The following DSP variants were observed in gnomAD, a reference collection of about 807,000 sequenced individuals.
The protein encoded by DSP is 250/210 kDa paraneoplastic pemphigus antigen.
In DSP, 114 loss-of-function variants were observed where a neutral mutation model predicts 290.6. The observed-to-expected ratio is 0.39, with a 90% confidence interval of 0.34 to 0.46. DSP has a LOEUF of 0.46. DSP is among the 20% of genes least tolerant of loss of function. DSP has a pLI of 0.99. For missense variants in DSP, 3,230 were observed against 3,495.8 expected (o/e 0.92, Z 1.92); for synonymous variants, 1,311 against 1,316.4 (o/e 1.00, Z 0.09).
intron 1 of DSP, among the ~76,000 whole-genome samples, chr6:7,544,018 C>A (rs1758098008): frequency 6.6e-6 from 1 of 152,148 alleles, no homozygotes; most frequent in South Asian, 2.1e-4. Context: ...AGTCTCACAT[C>A]TCTCTGGGAA....
At chr6:7,544,015 C>T (rs1445256913) in intron 1 of DSP, among the ~76,000 whole-genome samples, 2 of 152,162 alleles carry the variant, frequency 1.3e-5, no homozygotes, top group African/African-American at 2.4e-5. Context: ...TCAAGTCTCA[C>T]ATCTCTCTGG....
intron 20 of DSP, 32 bp from the exon 21 acceptor site, chr6:7,577,747 G>A (rs977673092): frequency 6.5e-7 from 1 of 1,538,036 alleles, no homozygotes; most frequent in African/African-American, 1.4e-5. Flanking sequence ...AGTCTATGAA[G>A]GACACTTTTC....
At position 7,563,725 on chromosome 6, in the gene DSP, T is replaced by C. The variant is rs886061745; in HGVS notation, c.727-11T>C. ...GGGATTTATATCTACCTGCTTTTTG[T>C]TGTCTTCTAGCGCGAGAAATCTGCG... On this transcript the variant is annotated splice_polypyrimidine_tract_variant and intron_variant, in intron 5 of 23. Transcript: ENST00000379802. The C allele has an allele frequency of 1.2e-5, 19 of 1,612,034 alleles. No individual in the cohort carries two copies. Among genetic ancestry groups the C allele is most frequent in the Non-Finnish European group, 1.6e-5 (19 of 1,178,028 alleles).
intron 1 of DSP, among the ~76,000 whole-genome samples, chr6:7,555,137 G>A (rs1047241393): frequency 3.3e-5 from 5 of 152,176 alleles, no homozygotes; most frequent in Non-Finnish European, 7.3e-5. Flanking sequence ...AAATAGCTGT[G>A]TGTCATTGTC....
At chr6:7,555,609 T>C (rs1758484169) in intron 1 of DSP, 109 bp from the exon 2 acceptor site, 1 of 827,156 alleles carries the variant, frequency 1.2e-6, no homozygotes, top group Admixed American at 2.0e-5. Context: ...GGGTAAAGGG[T>C]CTCACAGGAG....
At chr6:7,555,939 C>A in intron 2 of DSP, 119 bp downstream of exon 2, 1 of 833,996 alleles carries the variant, frequency 1.2e-6, no homozygotes, top group Non-Finnish European at 2.0e-6. Context: ...TGTTTAGAGA[C>A]ACGCTTTTTC....
Position 7,572,006 on chromosome 6 carries a change from A to C in DSP, c.2068A>C (p.Asn690His). The C allele has an allele frequency of 6.2e-7, 1 of 1,614,150 alleles. No individual in the cohort carries two copies. ...CTGCGAGGGCAGGATGACTCTCAAA[A>C]ACCTCCCTCTAGCAGACCAGGGATC... The part of the protein sequence containing the change: ...EHCEGRMTLK[N>H]LPLADQGSSH... Residue 690 changes from asparagine (N) to histidine (H), a missense_variant, in exon 15 of 24, where the codon AAC (asparagine) becomes CAC (histidine). Asn to His is a moderately conservative substitution (Grantham distance 68). This residue lies in a region of DSP where 1,714 missense variants were observed against 1,844.5 expected (regional missense o/e 0.93). Coordinates refer to ENST00000379802, the MANE Select transcript of DSP (RefSeq NM_004415.4).
chr6:7,554,082 AACACAC>A (rs10658102), intron 1 of DSP, among the ~76,000 whole-genome samples: 4,147 of 115,920 alleles, frequency 0.036, 89 homozygotes, highest in Admixed American at 0.055. Flanking sequence ...CTTTCTTTAA[AACACAC>A]ACACACACAC....
At chr6:7,547,648 G>T (rs2113640530) in intron 1 of DSP, among the ~76,000 whole-genome samples, 1 of 151,502 alleles carries the variant, frequency 6.6e-6, no homozygotes, top group East Asian at 1.9e-4. Context: ...TCTTGCCCAG[G>T]CTGGTCTTGA....
intron 9 of DSP, 96 bp from the exon 10 acceptor site, chr6:7,567,685 G>C (rs539990907): frequency 1.2e-5 from 19 of 1,582,684 alleles, no homozygotes; most frequent in Non-Finnish European, 1.6e-5. Flanking sequence ...ACCTGTCAAA[G>C]AGATGTTTAG....
rs752845209 is a variant in DSP at position 7,562,616 on chromosome 6, CA to C, written c.598-34del. ...AAGTGAAACAGGTGCAAAGGGGCAA[CA>C]ACAAAGGGCGCCTCTCTTTGTCTTT... On this transcript the variant is annotated intron_variant, in intron 4 of 23. Coordinates refer to ENST00000379802, the MANE Select transcript of DSP (RefSeq NM_004415.4). The C allele has an allele frequency of 2.5e-6, 4 of 1,613,328 alleles. No homozygotes were observed. In the Admixed American group the frequency reaches 5.0e-5, roughly 20 times the overall value.
In DSP at chr6:7,585,882, T is replaced by G; in HGVS notation, c.*4T>G. On this transcript the variant is annotated 3_prime_UTR_variant, in exon 24 of 24. Transcript: ENST00000379802. ...CAGTAGTTCTATTGGGCACTAGTAG[T>G]CAGTTGGGAGTGGTTGCTATACCTT... 1 of 1,613,534 alleles carries G rather than the reference T, an allele frequency of 6.2e-7. No homozygotes were observed. The highest frequency in any genetic ancestry group is 8.5e-7 in the Non-Finnish European group (1 of 1,179,788).
Position 7,558,151 on chromosome 6 carries a change from G to A in DSP, c.309G>A (p.Arg103=). The stretch of plus-strand genomic sequence containing the variant: ...ATGGAGATGGAATACAACTGACTCG[G>A]AGTCGAGAATTGGATGAGTGTTTTG... ...LKYGDGIQLT[R]SRELDECFAQ... The change falls in exon 3 of 24, where the codon CGG becomes CGA. Residue 103 remains arginine, a synonymous_variant. Transcript: ENST00000379802. 6.2e-7 allele frequency: 1 copy of A among 1,614,198 alleles called. No individual in the cohort carries two copies. Among genetic ancestry groups the A allele is most frequent in the Non-Finnish European group, 8.5e-7 (1 of 1,180,050 alleles).
intron 16 of DSP, 82 bp downstream of exon 16, chr6:7,574,334 C>A: frequency 7.2e-7 from 1 of 1,388,832 alleles, no homozygotes; most frequent in Non-Finnish European, 1.0e-6. Flanking sequence ...AGATGCTTGC[C>A]TTACAGTTTC....
rs529577808 is a variant in DSP at position 7,543,583 on chromosome 6, T to C, written c.170+1498T>C. ...CCATTTAAATCTGAAATTTAAATTTTCTCCCGCAGTCCTCCAGGATTTGAG... is the reference window on the plus strand; with the variant it reads ...CCATTTAAATCTGAAATTTAAATTTCCTCCCGCAGTCCTCCAGGATTTGAG... On this transcript the variant is annotated intron_variant, in intron 1 of 23. Transcript: ENST00000379802. 2.0e-5 allele frequency among the ~76,000 whole-genome samples: 3 copies of C among 152,258 alleles called. No homozygotes were observed. In the East Asian group the frequency reaches 5.8e-4, roughly 29 times the overall value.
In DSP at chr6:7,584,301, A is replaced by C. The variant is rs768837509; in HGVS notation, c.7039A>C (p.Ile2347Leu). Residue 2347 changes from isoleucine to leucine, a missense_variant, in exon 24 of 24, where the codon ATC becomes CTC. Physicochemically the swap from Ile to Leu is conservative, Grantham distance 5. Transcript: ENST00000379802. This position sits in a 1 kb window ranked among gnomAD's most constrained non-coding sequence, Gnocchi z 6.4. ...TGYNDPETGN[I>L]ISLFQAMNKE... ...GTATAATGATCCTGAAACAGGAAAC[A>C]TCATCTCTTTGTTCCAAGCCATGAA... The C allele has an allele frequency of 1.4e-5, 23 of 1,614,202 alleles. No homozygotes were observed. The highest frequency in any genetic ancestry group is 1.9e-5 in the Non-Finnish European group (23 of 1,180,040).
chr6:7,542,198 C>T lies in DSP; in HGVS notation c.170+113C>T, dbSNP rs953161313. ...CCGAAGGTGGAAAGGTTTTTTTGCC[C>T]CAGGTCCCGAAAGAACTTCCCGGCC... On this transcript the variant is annotated intron_variant, in intron 1 of 23. Coordinates refer to ENST00000379802, the MANE Select transcript of DSP (RefSeq NM_004415.4). 3 of 1,422,930 alleles carry T rather than the reference C, an allele frequency of 2.1e-6. No homozygotes were observed. The African/African-American group carries it at 4.3e-5, about 20-fold the overall frequency. 88.1% of individuals were successfully genotyped at this position (1,422,930 alleles called of 1,614,324 possible).
At chr6:7,566,255 A>G (rs1407267950) in intron 7 of DSP, 122 bp from the exon 8 acceptor site, 4 of 800,418 alleles carry the variant, frequency 5.0e-6, no homozygotes, top group Non-Finnish European at 8.6e-6. Context: ...AAACAGCGTG[A>G]TTCTTTGGCA....
At chr6:7,555,408 A>G (rs1047476467) in intron 1 of DSP, among the ~76,000 whole-genome samples, 2 of 148,280 alleles carry the variant, frequency 1.3e-5, no homozygotes, top group African/African-American at 4.9e-5. Context: ...CATGTTCTCA[A>G]ATGATTCAGA....
Sources: gnomAD v4.1 joint callset for allele counts (sites outside exome capture counted in the v4.1 genomes callset) on GRCh38, gnomAD v4.1.1 for gene constraint, gnomAD v4.1.1 regional missense constraint, Gnocchi (gnomAD v3.1) non-coding constraint, MANE v1.5 for transcripts, NCBI Gene and HGNC (gene_info 2026-07-23, HGNC 2026-07-21) for gene names.